The following CHL1 variants were observed in gnomAD, a reference collection of about 807,000 sequenced individuals.
CHL1 encodes cell adhesion molecule L1 like, also known as neural cell adhesion molecule L1-like protein.
A neutral mutation model predicts 141.9 loss-of-function variants in CHL1; 96 were observed. The observed-to-expected ratio is 0.68, with a 90% confidence interval of 0.57 to 0.80. The LOEUF is 0.80. Among genes scored for constraint, CHL1 ranks in the 30% least tolerant of loss-of-function variants. The pLI is 0.00. For missense variants in CHL1, 1,820 were observed against 1,457.2 expected (o/e 1.25, Z -4.05); for synonymous variants, 613 against 502.2 (o/e 1.22, Z -2.95).
chr3:228,246 G>A (rs17009028), intron 1 of CHL1, among the ~76,000 whole-genome samples: 3,843 of 152,284 alleles, frequency 0.025, 150 homozygotes, highest in African/African-American at 0.087. Flanking sequence ...AATGTTTGAA[G>A]AATCTTTTAT....
intron 2 of CHL1, among the ~76,000 whole-genome samples, chr3:313,623 T>C (rs191976686): frequency 1.3e-5 from 2 of 152,294 alleles, no homozygotes; most frequent in Non-Finnish European, 2.9e-5. Context: ...TAGCCTTGGG[T>C]CTTTAAAGTA....
intron 15 of CHL1, among the ~76,000 whole-genome samples, chr3:370,067 G>T (rs763171725): frequency 2.0e-5 from 3 of 151,738 alleles, no homozygotes; most frequent in Non-Finnish European, 4.4e-5. Flanking sequence ...TCCTTTTTTT[G>T]TGTGTCTCTT....
intron 1 of CHL1, among the ~76,000 whole-genome samples, chr3:199,657 T>A (rs181797091): frequency 9.3e-4 from 142 of 152,336 alleles, no homozygotes; most frequent in African/African-American, 3.4e-3. Context: ...TTGAGGCAAG[T>A]AAAGCCTGAC....
intron 2 of CHL1, among the ~76,000 whole-genome samples, chr3:261,736 C>T (rs540155929): frequency 1.3e-5 from 2 of 151,974 alleles, no homozygotes; most frequent in African/African-American, 4.8e-5. Flanking sequence ...CTCTCAAAAT[C>T]CTCTCCTCAG....
rs144463542 is a variant in CHL1, at chr3:279,218, A to C, written c.-95+34526A>C. ...CTTTCTACCTCAGAGAAATAGTAAAAGTTTTTTGATCAAATGATTTCTCAA... is the reference window on the plus strand; with the variant it reads ...CTTTCTACCTCAGAGAAATAGTAAACGTTTTTTGATCAAATGATTTCTCAA... On this transcript the variant is annotated intron_variant, in intron 2 of 27. Coordinates refer to ENST00000256509, the MANE Select transcript of CHL1 (RefSeq NM_006614.4). 7.4e-3 allele frequency among the ~76,000 whole-genome samples: 1,126 copies of C among 152,272 alleles called. 10 individuals are homozygous for C. Among genetic ancestry groups the C allele is most frequent in the Non-Finnish European group, 9.5e-3 (647 of 68,022 alleles).
chr3:382,767 T>A, intron 18 of CHL1, 96 bp downstream of exon 18: 1 of 1,075,782 alleles, frequency 9.3e-7, no homozygotes, highest in Non-Finnish European at 1.4e-6. Flanking sequence ...AATGTAGGAT[T>A]TTAGATTTCT....
chr3:295,779 C>A (rs1222630534), intron 2 of CHL1, among the ~76,000 whole-genome samples: 1 of 152,180 alleles, frequency 6.6e-6, no homozygotes, highest in Non-Finnish European at 1.5e-5. Flanking sequence ...TTCTTTTGTA[C>A]TTCCGTTACT....
intron 2 of CHL1, among the ~76,000 whole-genome samples, chr3:318,586 T>C (rs980356018): frequency 1.3e-5 from 2 of 151,680 alleles, no homozygotes; most frequent in African/African-American, 4.8e-5. Flanking sequence ...ACCTTAATTC[T>C]TATTCTATTT....
intron 8 of CHL1, among the ~76,000 whole-genome samples, chr3:343,726 G>C (rs1298650373): frequency 6.6e-6 from 1 of 152,102 alleles, no homozygotes; most frequent in Non-Finnish European, 1.5e-5. Flanking sequence ...GTTCAGTGGA[G>C]GAGGATGTAA....
intron 26 of CHL1, among the ~76,000 whole-genome samples, chr3:400,476 A>G (rs948797002): frequency 1.5e-4 from 3 of 19,550 alleles, no homozygotes; most frequent in Non-Finnish European, 1.5e-3. Context: ...ATCATGCCCT[A>G]AAAAGAAAAA....
At chr3:338,933 A>C (rs775856251) in intron 5 of CHL1, among the ~76,000 whole-genome samples, 1 of 152,188 alleles carries the variant, frequency 6.6e-6, no homozygotes, top group Non-Finnish European at 1.5e-5. Flanking sequence ...CAGCTCTCCA[A>C]TTAGGGATTT....
intron 1 of CHL1, among the ~76,000 whole-genome samples, chr3:225,288 C>T (rs1701211207): frequency 6.6e-6 from 1 of 152,200 alleles, no homozygotes; most frequent in Non-Finnish European, 1.5e-5. Flanking sequence ...AGAATGATCT[C>T]CACCCTCAGA....
rs1407602628 is a variant in CHL1 at position 391,092 on chromosome 3, C to T, written c.2724C>T (p.Val908=). ...LDAFSEFHLT[V]LAYNSKGAGP... ...CCTTTAGTGAATTTCATTTAACAGT[C>T]TTAGCCTATAACTCTAAAGGAGCTG... Residue 908 remains valine, a synonymous_variant, in exon 22 of 28, where the codon GTC becomes GTT. Transcript: ENST00000256509. 7 of 1,613,736 alleles carry T rather than the reference C, an allele frequency of 4.3e-6. No individual in the cohort carries two copies. The highest frequency in any genetic ancestry group is 5.9e-6 in the Non-Finnish European group (7 of 1,179,748).
intron 2 of CHL1, among the ~76,000 whole-genome samples, chr3:286,235 C>A (rs1697128643): frequency 6.6e-6 from 1 of 152,090 alleles, no homozygotes; most frequent in Non-Finnish European, 1.5e-5. Flanking sequence ...GGGTCCTGAT[C>A]CATGCCCCAA....
chr3:403,996 A>G (rs1276795209), intron 27 of CHL1, among the ~76,000 whole-genome samples: 3 of 152,194 alleles, frequency 2.0e-5, no homozygotes, highest in Admixed American at 6.5e-5. Flanking sequence ...CAATTATCGT[A>G]TCAGTCAGGG....
In CHL1 at chr3:388,586, A is replaced by G. The variant is rs374322128; in HGVS notation, c.2248-666A>G. Among the ~76,000 whole-genome samples, 4 of 151,936 alleles carry G rather than the reference A, an allele frequency of 2.6e-5. 1 individual carries two copies. The highest frequency in any genetic ancestry group is 1.9e-4 in the East Asian group (1 of 5,196). Reference sequence around the variant, plus strand: ...AAAAAAAGAAACGAAAAAAAAAGTTATTCCTCCAAATATTTCTATGGAGAA... The same window carrying G: ...AAAAAAAGAAACGAAAAAAAAAGTTGTTCCTCCAAATATTTCTATGGAGAA... On this transcript the variant is annotated intron_variant, in intron 19 of 27. Transcript: ENST00000256509.
At chr3:342,216 C>A in intron 7 of CHL1, 134 bp downstream of exon 7, 1 of 663,286 alleles carries the variant, frequency 1.5e-6, no homozygotes, top group Non-Finnish European at 2.4e-6. Context: ...GAGACTTCTT[C>A]CAGATGAAAT....
chr3:391,846 G>A (rs1708254918), intron 23 of CHL1, 49 bp downstream of exon 23: 2 of 1,447,136 alleles, frequency 1.4e-6, no homozygotes, highest in Non-Finnish European at 1.9e-6. Flanking sequence ...TTCATTTTTT[G>A]GTTGAATATT....
chr3:270,456 C>T (rs570448762), intron 2 of CHL1, among the ~76,000 whole-genome samples: 3 of 152,088 alleles, frequency 2.0e-5, no homozygotes, highest in African/African-American at 7.2e-5. Flanking sequence ...GTTTTTACCA[C>T]CTGGACCTGG....
Sources: gnomAD v4.1 joint callset for allele counts (sites outside exome capture counted in the v4.1 genomes callset) on GRCh38, gnomAD v4.1.1 for gene constraint, MANE v1.5 for transcripts, NCBI Gene and HGNC (gene_info 2026-07-23, HGNC 2026-07-21) for gene names.